Variants in CMSS1 observed in about 807,000 individuals in gnomAD.
CMSS1 encodes cms1 ribosomal small subunit homolog, also known as protein CMSS1.
Under a neutral mutation model 43.5 loss-of-function variants are expected in CMSS1, and 33 were observed. The observed-to-expected ratio is 0.76, with a 90% CI of 0.57 to 1.01. The LOEUF (loss-of-function observed/expected upper bound fraction) is 1.01, where lower values mean the gene tolerates loss of function less well. Among genes scored for constraint, CMSS1 ranks in the 50% least tolerant of loss-of-function variants. The pLI is 0.00. For missense variants in CMSS1, 313 were observed against 326.4 expected (o/e 0.96, Z 0.32); for synonymous variants, 115 against 117.2 (o/e 0.98, Z 0.12).
chr3:100,103,242 G>A (rs2066338706), intron 1 of CMSS1, among the ~76,000 whole-genome samples: 1 of 152,212 alleles, frequency 6.6e-6, no homozygotes, highest in Non-Finnish European at 1.5e-5. Context: ...CCATGGAGAA[G>A]GCAGCAGCTC....
intron 1 of CMSS1, among the ~76,000 whole-genome samples, chr3:99,833,574 G>A (rs970903176): frequency 3.9e-5 from 6 of 152,224 alleles, no homozygotes; most frequent in Admixed American, 3.3e-4. Flanking sequence ...TCAGATCTCA[G>A]ACAGCTGGAG....
chr3:100,097,590 T>G (rs2107449913), intron 1 of CMSS1, among the ~76,000 whole-genome samples: 1 of 152,346 alleles, frequency 6.6e-6, no homozygotes, highest in South Asian at 2.1e-4. Context: ...ATATACATGT[T>G]TTGTTGGATT....
chr3:99,849,703 G>A, intron 1 of CMSS1: 1 of 1,613,690 alleles, frequency 6.2e-7, no homozygotes, highest in South Asian at 1.1e-5. Flanking sequence ...TCGTTCTAGA[G>A]TCTCATATTC....
At chr3:100,026,899 AAAGCC>A (rs2064932695) in intron 1 of CMSS1, among the ~76,000 whole-genome samples, 1 of 152,100 alleles carries the variant, frequency 6.6e-6, no homozygotes, top group African/African-American at 2.4e-5. Flanking sequence ...ACTCAGCATG[AAAGCC>A]AAGATCCTCC....
chr3:99,944,970 T>C (rs1222993951), intron 1 of CMSS1, among the ~76,000 whole-genome samples: 1 of 152,232 alleles, frequency 6.6e-6, no homozygotes. Flanking sequence ...TGTTCATTAT[T>C]CGGCTCATTC....
intron 1 of CMSS1, among the ~76,000 whole-genome samples, chr3:99,940,152 A>G (rs1001612689): frequency 6.6e-6 from 1 of 152,148 alleles, no homozygotes; most frequent in African/African-American, 2.4e-5. Flanking sequence ...CAAATCAGTG[A>G]CTCTTTAAAG....
chr3:99,843,962 G>A (rs1170237312), intron 1 of CMSS1, among the ~76,000 whole-genome samples: 3 of 152,152 alleles, frequency 2.0e-5, no homozygotes, highest in Admixed American at 6.5e-5. Flanking sequence ...AATGATCTGA[G>A]TGGACAGTTT....
intron 1 of CMSS1, among the ~76,000 whole-genome samples, chr3:99,909,829 A>T (rs1706735996): frequency 6.6e-6 from 1 of 152,156 alleles, no homozygotes. Context: ...CTGAAATTGC[A>T]TGGAGAGTAG....
At position 99,881,908 on chromosome 3, in the gene CMSS1, A is replaced by G. The variant is rs536427890; in HGVS notation, c.64+63865A>G. On this transcript the variant is annotated intron_variant, in intron 1 of 9. Transcript: ENST00000421999. ...CCATGTAGATGTGGAGCTTGATTTC[A>G]GGGTAAGTATTTGCAGAGAAAGACC... 3.3e-5 allele frequency among the ~76,000 whole-genome samples: 5 copies of G among 152,288 alleles called. No individual in the cohort carries two copies. The East Asian group carries it at 9.6e-4, about 29-fold the overall frequency.
intron 1 of CMSS1, among the ~76,000 whole-genome samples, chr3:99,950,086 G>A (rs1290132761): frequency 6.6e-6 from 1 of 152,158 alleles, no homozygotes; most frequent in East Asian, 1.9e-4. Context: ...GTGTCACTTA[G>A]TCACTTGGAA....
At chr3:100,062,988 T>C (rs1304574604) in intron 1 of CMSS1, among the ~76,000 whole-genome samples, 1 of 152,258 alleles carries the variant, frequency 6.6e-6, no homozygotes, top group African/African-American at 2.4e-5. Context: ...AGATGTTTCC[T>C]TTTGACACAT....
At chr3:99,922,365 G>A (rs1405503514) in intron 1 of CMSS1, among the ~76,000 whole-genome samples, 1 of 152,154 alleles carries the variant, frequency 6.6e-6, no homozygotes, top group Non-Finnish European at 1.5e-5. Context: ...CAGATTTCTT[G>A]TGCTCCTTTA....
intron 1 of CMSS1, among the ~76,000 whole-genome samples, chr3:99,915,750 G>A (rs1421887677): frequency 6.6e-6 from 1 of 152,168 alleles, no homozygotes; most frequent in East Asian, 1.9e-4. Flanking sequence ...CATGCCTTGA[G>A]TATAAGCCCT....
At chr3:99,992,456 T>C (rs1029886380) in intron 1 of CMSS1, among the ~76,000 whole-genome samples, 3 of 152,124 alleles carry the variant, frequency 2.0e-5, no homozygotes, top group Non-Finnish European at 4.4e-5. Flanking sequence ...TGTTGGCTGC[T>C]TGTATGTCTT....
chr3:99,896,102 A>G (rs964774773), intron 1 of CMSS1, among the ~76,000 whole-genome samples: 3 of 152,056 alleles, frequency 2.0e-5, no homozygotes, highest in African/African-American at 7.3e-5. Context: ...ATAAACTTTT[A>G]GAAAAAAAAA....
At chr3:99,876,465 CT>C (rs1269543974) in intron 1 of CMSS1, among the ~76,000 whole-genome samples, 2 of 152,340 alleles carry the variant, frequency 1.3e-5, no homozygotes, top group African/African-American at 4.8e-5. Context: ...CCGCTTGTAA[CT>C]TTTTTCCCTC....
intron 1 of CMSS1, among the ~76,000 whole-genome samples, chr3:99,837,222 C>A (rs1942936706): frequency 6.6e-6 from 1 of 152,132 alleles, no homozygotes; most frequent in South Asian, 2.1e-4. Flanking sequence ...CTCACTGATT[C>A]CCTCCCTGTT....
Position 100,181,287 on chromosome 3 carries a change from A to C in CMSS1, c.*2899A>C, listed in dbSNP as rs1039202781. On this transcript the variant is annotated 3_prime_UTR_variant, in exon 10 of 10. Coordinates refer to ENST00000421999, the MANE Select transcript of CMSS1 (RefSeq NM_032359.4). ...ACAACAATATAATTACAGCTGTCTT[A>C]TTAACTTTTTTTTAAAAACTTTCTA... 1.3e-5 allele frequency: 2 copies of C among 152,248 alleles called. No homozygotes were observed. Among genetic ancestry groups the C allele is most frequent in the Non-Finnish European group, 2.9e-5 (2 of 68,042 alleles). 9.4% of individuals were successfully genotyped at this position (152,248 alleles called of 1,614,324 possible). A position where few individuals can be genotyped will look rare whatever the true frequency, so the allele number is the denominator to read the frequency against.
At chr3:99,876,665 T>G (rs1166301614) in intron 1 of CMSS1, among the ~76,000 whole-genome samples, 1 of 152,232 alleles carries the variant, frequency 6.6e-6, no homozygotes, top group Non-Finnish European at 1.5e-5. Flanking sequence ...TTCTCTTTCC[T>G]CTTTGTAATG....
Sources: gnomAD v4.1 joint callset for allele counts (sites outside exome capture counted in the v4.1 genomes callset) on GRCh38, gnomAD v4.1.1 for gene constraint, MANE v1.5 for transcripts, NCBI Gene and HGNC (gene_info 2026-07-23, HGNC 2026-07-21) for gene names.